MYO16: variants seen among roughly 807,000 people sequenced by gnomAD.
MYO16 encodes the protein unconventional myosin-XVI.
In MYO16, 94 loss-of-function variants were observed where a neutral mutation model predicts 205.3. That is an observed-to-expected ratio of 0.46 (90% CI 0.39 to 0.54). MYO16 has a LOEUF of 0.54. MYO16 is among the 20% of genes least tolerant of loss of function. The pLI, the probability that MYO16 is intolerant of heterozygous loss-of-function variation, is 0.00. For missense variants in MYO16, 2,315 were observed against 2,387.5 expected, an observed-to-expected ratio of 0.97 and a Z score of 0.63; for synonymous variants, 988 against 954.0, an observed-to-expected ratio of 1.04 and a Z score of -0.66.
intron 23 of MYO16, among the ~76,000 whole-genome samples, chr13:109,020,709 T>C (rs1056931975): frequency 1.3e-5 from 2 of 152,314 alleles, no homozygotes; most frequent in East Asian, 1.9e-4. Context: ...CACTTTTGCA[T>C]GTACAGCTCT....
intron 13 of MYO16, among the ~76,000 whole-genome samples, chr13:108,886,090 T>C (rs1021289672): frequency 1.4e-4 from 22 of 152,078 alleles, no homozygotes; most frequent in South Asian, 4.2e-4. Flanking sequence ...CGGGTTGACG[T>C]CATTCTCCTG....
chr13:108,655,678 G>T (rs1881211428), intron 1 of MYO16, among the ~76,000 whole-genome samples: 1 of 152,162 alleles, frequency 6.6e-6, no homozygotes. Flanking sequence ...GCAGCCAGGA[G>T]CCGGGGCTAT....
At chr13:109,034,689 A>C (rs1346954139) in intron 23 of MYO16, among the ~76,000 whole-genome samples, 1 of 152,212 alleles carries the variant, frequency 6.6e-6, no homozygotes, top group East Asian at 1.9e-4. Context: ...GCTTATTAAA[A>C]ATTTAGTCTT....
chr13:108,761,319 A>G (rs933596810), intron 4 of MYO16, among the ~76,000 whole-genome samples: 2 of 152,192 alleles, frequency 1.3e-5, no homozygotes, highest in South Asian at 2.1e-4. Context: ...AGGGACCTAG[A>G]GTACACAAGA....
At chr13:108,575,366 G>A in the MYO16 span, among the ~76,000 whole-genome samples, 1 of 152,106 alleles carries the variant, frequency 6.6e-6, no homozygotes, top group African/African-American at 2.4e-5. Flanking sequence ...CACACCTCTA[G>A]GGAGGCTGAT....
chr13:108,947,492 A>G (rs1882982400), intron 16 of MYO16, among the ~76,000 whole-genome samples: 1 of 152,052 alleles, frequency 6.6e-6, no homozygotes, highest in Non-Finnish European at 1.5e-5. Context: ...GCCAACCCAC[A>G]CTTTCTGAGC....
At chr13:109,186,640 A>T (rs1879702213) in intron 34 of MYO16, among the ~76,000 whole-genome samples, 1 of 152,146 alleles carries the variant, frequency 6.6e-6, no homozygotes, top group Non-Finnish European at 1.5e-5. Flanking sequence ...ACAAACACAC[A>T]CAATCATATT....
chr13:108,558,935 G>C, the MYO16 span, among the ~76,000 whole-genome samples: 1 of 151,122 alleles, frequency 6.6e-6, no homozygotes, highest in Non-Finnish European at 1.5e-5. Flanking sequence ...CAATATTTGT[G>C]GTTGCCTCTT....
intron 2 of MYO16, among the ~76,000 whole-genome samples, chr13:108,707,673 A>G (rs1004056118): frequency 5.3e-5 from 8 of 152,186 alleles, no homozygotes; most frequent in Non-Finnish European, 1.0e-4. Context: ...ATGGGAAAGG[A>G]TCTTCTATCA....
At chr13:108,953,851 A>G (rs1259504772) in intron 16 of MYO16, among the ~76,000 whole-genome samples, 12 of 152,226 alleles carry the variant, frequency 7.9e-5, no homozygotes, top group African/African-American at 2.9e-4. Context: ...TAAGCATTGT[A>G]TAAAAGGCAT....
intron 4 of MYO16, among the ~76,000 whole-genome samples, chr13:108,730,007 T>C (rs1884470370): frequency 6.6e-6 from 1 of 152,118 alleles, no homozygotes; most frequent in African/African-American, 2.4e-5. Context: ...AAAATAACAG[T>C]GTAGTGACTC....
At chr13:109,085,106 C>T (rs535749522) in intron 27 of MYO16, among the ~76,000 whole-genome samples, 6 of 152,128 alleles carry the variant, frequency 3.9e-5, no homozygotes, top group Non-Finnish European at 7.4e-5. Context: ...GAGCAGATCC[C>T]GATGGCCAGG....
chr13:108,707,762 A>G (rs1054460951), intron 2 of MYO16, among the ~76,000 whole-genome samples: 7 of 152,166 alleles, frequency 4.6e-5, no homozygotes, highest in African/African-American at 1.7e-4. Context: ...AAATCTTAGC[A>G]GTTTTTCTCA....
chr13:108,502,138 A>G, the MYO16 span, among the ~76,000 whole-genome samples: 1 of 152,118 alleles, frequency 6.6e-6, no homozygotes, highest in Admixed American at 6.5e-5. Context: ...GCTTGAACCC[A>G]GGAGGTGGAG....
upstream of MYO16, among the ~76,000 whole-genome samples, chr13:108,626,978 A>T (rs565833582): frequency 4.1e-5 from 6 of 145,344 alleles, no homozygotes; most frequent in African/African-American, 7.5e-5. Flanking sequence ...ATTATATATT[A>T]TATATATATA....
At chr13:108,664,722 T>C (rs1483545244) in intron 1 of MYO16, among the ~76,000 whole-genome samples, 1 of 152,200 alleles carries the variant, frequency 6.6e-6, no homozygotes, top group East Asian at 1.9e-4. Flanking sequence ...CAAGCCAGCT[T>C]CTAGAATTTT....
chr13:109,009,081 G>A, intron 22 of MYO16, 32 bp downstream of exon 22: 1 of 1,503,722 alleles, frequency 6.7e-7, no homozygotes. Flanking sequence ...ATACTTAACA[G>A]GATATATGGG....
chr13:108,700,342 A>G (rs1184869369), intron 2 of MYO16, among the ~76,000 whole-genome samples: 1 of 22,380 alleles, frequency 4.5e-5, no homozygotes, highest in Non-Finnish European at 1.1e-4. Flanking sequence ...CAAAAAAAAA[A>G]AAAAAAAAGA....
rs144273768 is a variant in MYO16, at chr13:108,748,510, A to G, written c.507+20927A>G. Among the ~76,000 whole-genome samples, 469 of 152,224 alleles carry G rather than the reference A, an allele frequency of 3.1e-3. 1 individual carries two copies. The highest frequency in any genetic ancestry group is 4.8e-3 in the Non-Finnish European group (324 of 67,974). Reference sequence around the variant, plus strand: ...AGAAATAATAATAATTGGAGCATAAATAAACTAAAAATAGGAAAAAATAAA... The same window carrying G: ...AGAAATAATAATAATTGGAGCATAAGTAAACTAAAAATAGGAAAAAATAAA... On this transcript the variant is annotated intron_variant, in intron 4 of 34. Transcript: ENST00000457511.
Sources: gnomAD v4.1 joint callset for allele counts (sites outside exome capture counted in the v4.1 genomes callset) on GRCh38, gnomAD v4.1.1 for gene constraint, MANE v1.5 for transcripts, NCBI Gene and HGNC (gene_info 2026-07-23, HGNC 2026-07-21) for gene names.